The following AKT2 variants were observed in gnomAD, a reference collection of about 807,000 sequenced individuals.
The protein encoded by AKT2 is AKT serine/threonine kinase 2, also known as RAC-beta serine/threonine-protein kinase.
Under a neutral mutation model 58.6 loss-of-function variants are expected in AKT2, and 16 were observed. The ratio of observed to expected loss-of-function variants is 0.27; its 90% CI spans 0.18 to 0.41. AKT2 has a LOEUF of 0.41. AKT2 is among the 10% of genes least tolerant of loss of function. The probability of loss-of-function intolerance (pLI) is 1.00; values close to 1 mark genes in which losing one functional copy is unlikely to be tolerated. For synonymous variants in AKT2, 253 were observed against 254.0 expected, an observed-to-expected ratio of 1.00 and a Z score of 0.04; for missense variants, 438 against 661.0, an observed-to-expected ratio of 0.66 and a Z score of 3.70.
intron 1 of AKT2, among the ~76,000 whole-genome samples, chr19:40,284,308 T>C (rs2077475531): frequency 6.6e-6 from 1 of 152,078 alleles, no homozygotes; most frequent in Non-Finnish European, 1.5e-5. Flanking sequence ...CTCTTCCTCT[T>C]CAGAATGTTA....
chr19:40,233,678 T>TGAGGCTG lies in AKT2; in HGVS notation c.*187_*193dup, dbSNP rs756792297. 2.9e-5 allele frequency: 21 copies of TGAGGCTG among 735,828 alleles called. No individual in the cohort carries two copies. Among genetic ancestry groups the TGAGGCTG allele is most frequent in the Admixed American group, 7.4e-5 (4 of 53,984 alleles). The allele number at this position is 735,828 out of a possible 1,614,324, so 45.6% of individuals were successfully genotyped here. A position where few individuals can be genotyped will look rare whatever the true frequency, so the allele number is the denominator to read the frequency against. ...CCAAATGCGAGTCTGGGCACAAAGG[T>TGAGGCTG]GAGGCTGGAGGCTGGAGGCAGGGGC... On this transcript the variant is annotated 3_prime_UTR_variant, in exon 14 of 14. Coordinates refer to ENST00000392038, the MANE Select transcript of AKT2 (RefSeq NM_001626.6). The surrounding 1 kb of genome is among the most constrained non-coding windows in gnomAD (Gnocchi z 4.3).
At chr19:40,264,489 G>A (rs570501769) in intron 2 of AKT2, among the ~76,000 whole-genome samples, 49 of 152,204 alleles carry the variant, frequency 3.2e-4, no homozygotes, top group Admixed American at 9.2e-4. Context: ...CTGCAGGCGC[G>A]ACACAGCTGG....
In AKT2 at chr19:40,235,318, A is replaced by C. The variant is rs1599949801; in HGVS notation, c.1208T>G (p.Val403Gly). 1.9e-6 allele frequency: 3 copies of C among 1,613,640 alleles called. No homozygotes were observed. Among genetic ancestry groups the C allele is most frequent in the Non-Finnish European group, 2.5e-6 (3 of 1,179,938 alleles). ...GCTGAGGAAGAACCTGTGCTCCATG[A>C]CCTCCTTGGCATCGCTGGGCCCCCC... ...LGGGPSDAKE[V>G]MEHRFFLSIN... Residue 403 changes from valine to glycine, a missense_variant, in exon 12 of 14, where the codon GTC becomes GGC. Coordinates refer to ENST00000392038, the MANE Select transcript of AKT2 (RefSeq NM_001626.6). This position sits in a 1 kb window ranked among gnomAD's most constrained non-coding sequence, Gnocchi z 6.3.
In AKT2 at chr19:40,232,607, T is replaced by C. The variant is rs377623622; in HGVS notation, c.*1265A>G. On this transcript the variant is annotated 3_prime_UTR_variant, in exon 14 of 14. Coordinates refer to ENST00000392038, the MANE Select transcript of AKT2 (RefSeq NM_001626.6). ...GGGCAGGGCAGCTCATGGATCACAG[T>C]GGGGCTCCTCCCACTAGGTCAGCAC... The C allele has an allele frequency of 1.3e-5, 3 of 232,896 alleles. No homozygotes were observed. Among genetic ancestry groups the C allele is most frequent in the Non-Finnish European group, 2.5e-5 (3 of 118,050 alleles). 14.4% of individuals were successfully genotyped at this position (232,896 alleles called of 1,614,324 possible). A position where few individuals can be genotyped will look rare whatever the true frequency, so the allele number is the denominator to read the frequency against.
intron 4 of AKT2, among the ~76,000 whole-genome samples, chr19:40,246,088 C>CAAAA (rs34293653): frequency 1.1e-5 from 1 of 87,092 alleles, no homozygotes; most frequent in East Asian, 3.6e-4. Context: ...TCCTGTTTTT[C>CAAAA]AAAAAAAAAA....
intron 1 of AKT2, chr19:40,275,228 T>C (rs1163900425): frequency 2.2e-6 from 1 of 456,708 alleles, no homozygotes; most frequent in Non-Finnish European, 4.4e-6. Context: ...TTGTGTCGCC[T>C]CCTCCCACAC....
chr19:40,235,996 G>A lies in AKT2; in HGVS notation c.1069C>T (p.Arg357Cys), dbSNP rs1026908617. The change falls in exon 11 of 14, where the codon CGC (arginine) becomes TGC (cysteine). Residue 357 changes from arginine to cysteine, a missense_variant. Arg to Cys is a radical substitution (Grantham distance 180). Around this residue, in one of 3 missense-constraint regions of AKT2, gnomAD observed 148 missense variants for 199.5 expected, o/e 0.74. Transcript: ENST00000392038. The surrounding 1 kb of genome is among the most constrained non-coding windows in gnomAD (Gnocchi z 6.3). ...RLPFYNQDHE[R>C]LFELILMEEI... ...TCCATGAGGATGAGCTCGAAGAGGC[G>A]CTCGTGGTCCTGGTTGTAGAAGGGC... 1.1e-5 allele frequency: 18 copies of A among 1,613,992 alleles called. No homozygotes were observed. The highest frequency in any genetic ancestry group is 1.4e-5 in the Non-Finnish European group (17 of 1,180,038).
At chr19:40,251,243 T>A (rs1047300110) in intron 4 of AKT2, among the ~76,000 whole-genome samples, 1 of 152,120 alleles carries the variant, frequency 6.6e-6, no homozygotes, top group Non-Finnish European at 1.5e-5. Flanking sequence ...TTAATTAAAA[T>A]TTTAAAAGGG....
chr19:40,259,733 G>C (rs946980222), intron 2 of AKT2, among the ~76,000 whole-genome samples: 1 of 152,144 alleles, frequency 6.6e-6, no homozygotes, highest in Admixed American at 6.5e-5. Flanking sequence ...ACAACAAAAA[G>C]ACAAACTGCC....
chr19:40,239,249 A>C (rs1372870477), intron 7 of AKT2: 2 of 407,006 alleles, frequency 4.9e-6, no homozygotes, highest in Non-Finnish European at 8.8e-6. Flanking sequence ...TGTTCTGAGC[A>C]ACCATGGCTC....
intron 2 of AKT2, among the ~76,000 whole-genome samples, chr19:40,263,801 T>G (rs1976138713): frequency 6.6e-6 from 1 of 152,198 alleles, no homozygotes. Context: ...GCCAGCTTCC[T>G]GCCCCCTCTT....
chr19:40,276,088 AAGCACCGGG>A (rs2077317107), intron 1 of AKT2, among the ~76,000 whole-genome samples: 1 of 151,708 alleles, frequency 6.6e-6, no homozygotes, highest in Non-Finnish European at 1.5e-5. Flanking sequence ...CCTGCTAATT[AAGCACCGGG>A]AGCTTAAAGG....
Position 40,242,697 on chromosome 19 carries a change from G to C in AKT2, c.288-10C>G, listed in dbSNP as rs2145209190. On this transcript the variant is annotated splice_polypyrimidine_tract_variant and intron_variant, in intron 4 of 13. Transcript: ENST00000392038. The surrounding 1 kb of genome is among the most constrained non-coding windows in gnomAD (Gnocchi z 4.3). The stretch of plus-strand genomic sequence containing the variant: ...CCGCATCCACTCCTCCCTGTGCAGG[G>C]ACACACGTGAGTCCCAGCAGCCAGG... The C allele has an allele frequency of 6.2e-7, 1 of 1,609,462 alleles. No individual in the cohort carries two copies. The highest frequency in any genetic ancestry group is 8.5e-7 in the Non-Finnish European group (1 of 1,179,946).
intron 1 of AKT2, chr19:40,269,467 C>G (rs969030495): frequency 2.6e-5 from 4 of 152,192 alleles, no homozygotes; most frequent in Non-Finnish European, 5.9e-5. Flanking sequence ...CAACTGCTGG[C>G]TCGGATGTAG....
chr19:40,275,769 G>GA (rs1555778576), intron 1 of AKT2, among the ~76,000 whole-genome samples: 2 of 100,802 alleles, frequency 2.0e-5, no homozygotes, highest in African/African-American at 7.2e-5. Context: ...GAGGCTGGGG[G>GA]GGGGGGGGGT....
At chr19:40,247,487 G>A (rs560218540) in intron 4 of AKT2, among the ~76,000 whole-genome samples, 2 of 152,262 alleles carry the variant, frequency 1.3e-5, no homozygotes, top group Admixed American at 1.3e-4. Context: ...AGCACCACCC[G>A]CCTGTCCCTG....
At chr19:40,249,441 C>T (rs1399972197) in intron 4 of AKT2, among the ~76,000 whole-genome samples, 1 of 152,224 alleles carries the variant, frequency 6.6e-6, no homozygotes, top group Admixed American at 6.5e-5. Context: ...GAGGGAGAGA[C>T]ACGGCAGCTG....
chr19:40,234,801 C>G lies in AKT2; in HGVS notation c.1366+244G>C. On this transcript the variant is annotated intron_variant, in intron 13 of 13. Coordinates refer to ENST00000392038, the MANE Select transcript of AKT2 (RefSeq NM_001626.6). The surrounding 1 kb of genome is among the most constrained non-coding windows in gnomAD (Gnocchi z 4.7). ...AGTGAACCCAGCCAGGCTCAGGGAC[C>G]GGGCTGCCTCCTGCCCTGAGCCCCC... 1 of 620,358 alleles carries G rather than the reference C, an allele frequency of 1.6e-6. No homozygotes were observed. Among genetic ancestry groups the G allele is most frequent in the East Asian group, 2.7e-5 (1 of 36,670 alleles). 38.4% of individuals were successfully genotyped at this position (620,358 alleles called of 1,614,324 possible).
rs781260194 is a variant in AKT2, at chr19:40,235,277, C to T, written c.1249G>A (p.Val417Met). 2 of 1,614,064 alleles carry T rather than the reference C, an allele frequency of 1.2e-6. No individual in the cohort carries two copies. Among genetic ancestry groups the T allele is most frequent in the South Asian group, 1.1e-5 (1 of 91,080 alleles). Residue 417 changes from valine (V) to methionine (M), a missense_variant, in exon 12 of 14, where the codon GTG becomes ATG. Physicochemically the swap from Val to Met is conservative, Grantham distance 21 (BLOSUM62 1). Around this residue, in one of 3 missense-constraint regions of AKT2, gnomAD observed 148 missense variants for 199.5 expected, o/e 0.74. Transcript: ENST00000392038. The surrounding 1 kb of genome is among the most constrained non-coding windows in gnomAD (Gnocchi z 6.3). ...RFFLSINWQD[V>M]VQKKLLPPFK... ...GTGGGGCTCACCTTCTTCTGGACCA[C>T]GTCCTGCCAGTTGATGCTGAGGAAG... is the stretch of plus-strand genomic sequence containing the variant.
Sources: gnomAD v4.1 joint callset for allele counts (sites outside exome capture counted in the v4.1 genomes callset) on GRCh38, gnomAD v4.1.1 for gene constraint, gnomAD v4.1.1 regional missense constraint, Gnocchi (gnomAD v3.1) non-coding constraint, MANE v1.5 for transcripts, NCBI Gene and HGNC (gene_info 2026-07-23, HGNC 2026-07-21) for gene names.